Variants in MED12L observed in about 807,000 individuals in gnomAD.
MED12L encodes the protein mediator of RNA polymerase II transcription subunit 12-like protein.
A neutral mutation model predicts 281.3 loss-of-function variants in MED12L; 60 were observed. The ratio of observed to expected loss-of-function variants is 0.21; its 90% CI spans 0.17 to 0.26. The LOEUF (loss-of-function observed/expected upper bound fraction) is 0.26, where lower values mean the gene tolerates loss of function less well. Ranked by LOEUF, MED12L falls within the 10% of genes least tolerant of loss-of-function variation. The pLI is 1.00. For missense variants in MED12L, 2,146 were observed against 2,680.9 expected (o/e 0.80, Z 4.41); for synonymous variants, 974 against 987.2 (o/e 0.99, Z 0.25).
At chr3:151,430,039 G>A (rs1367909222) in intron 43 of MED12L, among the ~76,000 whole-genome samples, 1 of 152,188 alleles carries the variant, frequency 6.6e-6, no homozygotes, top group Non-Finnish European at 1.5e-5. Flanking sequence ...CTGTAGTGTG[G>A]AGTTCTTCAT....
chr3:151,371,620 A>G (rs1414830801), intron 26 of MED12L, among the ~76,000 whole-genome samples: 2 of 152,132 alleles, frequency 1.3e-5, no homozygotes, highest in African/African-American at 2.4e-5. Flanking sequence ...GGCTTTTTCC[A>G]TTAACTTGGG....
intron 16 of MED12L, among the ~76,000 whole-genome samples, chr3:151,305,018 C>G (rs1015467397): frequency 6.6e-6 from 1 of 152,172 alleles, no homozygotes; most frequent in Non-Finnish European, 1.5e-5. Flanking sequence ...GATACTTTTG[C>G]TCCAATAGCT....
At chr3:151,332,158 C>T (rs1160170370) in intron 16 of MED12L, among the ~76,000 whole-genome samples, 1 of 152,176 alleles carries the variant, frequency 6.6e-6, no homozygotes, top group Non-Finnish European at 1.5e-5. Flanking sequence ...AAATCAGTCT[C>T]TAGCCAGATA....
At chr3:151,390,683 CTTTCTA>C (rs1166398962) in intron 38 of MED12L, among the ~76,000 whole-genome samples, 1 of 152,176 alleles carries the variant, frequency 6.6e-6, no homozygotes, top group Non-Finnish European at 1.5e-5. Flanking sequence ...ATTCAATTTT[CTTTCTA>C]TATGAAACAT....
rs182131687 is a variant in MED12L at position 151,336,141 on chromosome 3, T to C, written c.2251-13918T>C. On this transcript the variant is annotated intron_variant, in intron 16 of 44. Transcript: ENST00000687756. ...AGATTAGTTGATCTCTAGATTGTCT[T>C]CTACCTCAAATATCCTGGTATTCCT... is the stretch of plus-strand genomic sequence containing the variant. Among the ~76,000 whole-genome samples the C allele has an allele frequency of 2.4e-4, 36 of 152,356 alleles. No homozygotes were observed. In the East Asian group the frequency reaches 6.9e-3, roughly 29 times the overall value.
intron 16 of MED12L, chr3:151,328,988 T>C: frequency 6.2e-7 from 1 of 1,600,034 alleles, no homozygotes; most frequent in Middle Eastern, 1.7e-4. Flanking sequence ...CACTGTGGTG[T>C]TCATTGCTTC....
chr3:151,368,764 T>C (rs1475249426), intron 25 of MED12L, among the ~76,000 whole-genome samples: 8 of 138,004 alleles, frequency 5.8e-5, no homozygotes, highest in South Asian at 4.6e-4. Context: ...CATTTCATTT[T>C]TTTTTTTTTT....
intron 5 of MED12L, among the ~76,000 whole-genome samples, chr3:151,142,767 T>C (rs1413032598): frequency 6.6e-6 from 1 of 152,202 alleles, no homozygotes; most frequent in Non-Finnish European, 1.5e-5. Context: ...AGCTAGGTTC[T>C]TTATTTTTGC....
intron 35 of MED12L, 79 bp downstream of exon 35, chr3:151,384,297 A>C: frequency 7.6e-7 from 1 of 1,319,308 alleles, no homozygotes; most frequent in Admixed American, 2.5e-5. Flanking sequence ...TTTATTACTC[A>C]TTAAATGTTA....
At chr3:151,185,881 T>C (rs1032544138) in intron 12 of MED12L, among the ~76,000 whole-genome samples, 4 of 152,266 alleles carry the variant, frequency 2.6e-5, no homozygotes, top group Admixed American at 6.5e-5. Flanking sequence ...AATACAATTT[T>C]AGCATCTGAT....
intron 3 of MED12L, among the ~76,000 whole-genome samples, chr3:151,118,982 C>T (rs999376349): frequency 1.3e-5 from 2 of 152,256 alleles, no homozygotes; most frequent in East Asian, 1.9e-4. Context: ...CCACTGTGCC[C>T]GGCCTCAGAG....
chr3:151,196,665 C>G (rs973099152), intron 16 of MED12L, among the ~76,000 whole-genome samples: 1 of 152,198 alleles, frequency 6.6e-6, no homozygotes, highest in Non-Finnish European at 1.5e-5. Context: ...TGAGGTAAGT[C>G]ATTTACACTG....
chr3:151,340,444 A>G (rs1751667566), intron 16 of MED12L, among the ~76,000 whole-genome samples: 1 of 152,174 alleles, frequency 6.6e-6, no homozygotes. Flanking sequence ...CACTAATTAG[A>G]CTTCTATTTT....
chr3:151,130,391 T>C lies in MED12L; in HGVS notation c.556+2407T>C, dbSNP rs1476607796. On this transcript the variant is annotated intron_variant, in intron 5 of 44. Transcript: ENST00000687756. ...CAAAATAAAACCAGAATCTGAAAACTTGGTCTTCTGTGTCCCTGCTGTTAC... is the reference window on the plus strand; with the variant it reads ...CAAAATAAAACCAGAATCTGAAAACCTGGTCTTCTGTGTCCCTGCTGTTAC... 3.9e-5 allele frequency among the ~76,000 whole-genome samples: 6 copies of C among 152,322 alleles called. No homozygotes were observed. The East Asian group carries it at 7.7e-4, about 20-fold the overall frequency.
intron 16 of MED12L, among the ~76,000 whole-genome samples, chr3:151,299,400 C>CTTTTCTTTTA: frequency 8.3e-6 from 1 of 120,876 alleles, no homozygotes; most frequent in South Asian, 3.0e-4. Flanking sequence ...CTTTTCTTTT[C>CTTTTCTTTTA]CCCTCCCCTC....
intron 16 of MED12L, among the ~76,000 whole-genome samples, chr3:151,238,898 C>T (rs568477726): frequency 2.2e-4 from 33 of 152,128 alleles, no homozygotes; most frequent in Non-Finnish European, 4.3e-4. Flanking sequence ...TTTCATGGAA[C>T]ACCATTTTTA....
At chr3:151,117,198 G>A (rs138132013) in intron 3 of MED12L, among the ~76,000 whole-genome samples, 57 of 151,378 alleles carry the variant, frequency 3.8e-4, no homozygotes, top group Non-Finnish European at 7.2e-4. Flanking sequence ...TTAATTTGTC[G>A]TGTTATAATC....
At chr3:151,137,631 C>G (rs1716341072) in intron 5 of MED12L, among the ~76,000 whole-genome samples, 1 of 152,062 alleles carries the variant, frequency 6.6e-6, no homozygotes, top group Non-Finnish European at 1.5e-5. Flanking sequence ...TTTAGCATTT[C>G]CTATTTAACA....
chr3:151,212,971 T>C, intron 16 of MED12L: 2 of 160,380 alleles, frequency 1.2e-5, no homozygotes, highest in Admixed American at 6.4e-5. Flanking sequence ...TGTTGTGTTT[T>C]ATTTACTATT....
Sources: allele counts gnomAD v4.1 joint callset (sites outside exome capture counted in the v4.1 genomes callset), GRCh38; gene constraint gnomAD v4.1.1; transcripts MANE v1.5; gene names NCBI Gene and HGNC (gene_info 2026-07-23, HGNC 2026-07-21).